Variants in CNTNAP2 observed in about 807,000 individuals in gnomAD.
The protein encoded by CNTNAP2 is contactin-associated protein-like 2.
Under a neutral mutation model 155.2 loss-of-function variants are expected in CNTNAP2, and 98 were observed. The ratio of observed to expected loss-of-function variants is 0.63; its 90% CI spans 0.54 to 0.75. The LOEUF is 0.75. Among genes scored for constraint, CNTNAP2 ranks in the 30% least tolerant of loss-of-function variants. The pLI is 0.00. For synonymous variants in CNTNAP2, 651 were observed against 631.2 expected (o/e 1.03, Z -0.47); for missense variants, 1,727 against 1,688.1 (o/e 1.02, Z -0.40).
intron 11 of CNTNAP2, among the ~76,000 whole-genome samples, chr7:147,488,951 A>C (rs1798557952): frequency 6.6e-6 from 1 of 152,220 alleles, no homozygotes; most frequent in Non-Finnish European, 1.5e-5. Flanking sequence ...TGTGGTACTC[A>C]ATAAATTTTT....
At chr7:146,649,032 T>C (rs1436039672) in intron 1 of CNTNAP2, among the ~76,000 whole-genome samples, 7 of 152,082 alleles carry the variant, frequency 4.6e-5, no homozygotes. Context: ...GTCACTAGGA[T>C]AAACCAAAAA....
chr7:147,848,704 T>C (rs916813788), intron 13 of CNTNAP2, among the ~76,000 whole-genome samples: 1 of 100,814 alleles, frequency 9.9e-6, no homozygotes, highest in South Asian at 3.7e-4. Context: ...CTTCAAACTT[T>C]AGTTAATGGT....
At chr7:146,331,642 C>T (rs1037252822) in intron 1 of CNTNAP2, among the ~76,000 whole-genome samples, 3 of 152,078 alleles carry the variant, frequency 2.0e-5, no homozygotes, top group Non-Finnish European at 4.4e-5. Context: ...AGCCAGTGTT[C>T]CAAGGAAACT....
At chr7:146,607,322 T>A (rs1799064903) in intron 1 of CNTNAP2, among the ~76,000 whole-genome samples, 1 of 152,146 alleles carries the variant, frequency 6.6e-6, no homozygotes, top group Non-Finnish European at 1.5e-5. Flanking sequence ...TGTCCAATGA[T>A]CACACTTCTG....
chr7:146,405,523 T>C (rs1002330582), intron 1 of CNTNAP2, among the ~76,000 whole-genome samples: 2 of 152,234 alleles, frequency 1.3e-5, no homozygotes, highest in African/African-American at 2.4e-5. Flanking sequence ...ATAAGGGCCA[T>C]TGAATTTAAA....
intron 1 of CNTNAP2, among the ~76,000 whole-genome samples, chr7:146,693,732 TTTTTA>T (rs1195912303): frequency 6.6e-6 from 1 of 152,122 alleles, no homozygotes; most frequent in Non-Finnish European, 1.5e-5. Context: ...TAATTATTGA[TTTTTA>T]TTTTAAGTTC....
chr7:146,398,117 C>T (rs953724410), intron 1 of CNTNAP2, among the ~76,000 whole-genome samples: 6 of 151,010 alleles, frequency 4.0e-5, no homozygotes, highest in Non-Finnish European at 8.8e-5. Context: ...AGTGATCCGC[C>T]TGCCTTAGCC....
rs1470610980 is a variant in CNTNAP2 at position 148,417,476 on chromosome 7, C to G, written c.*1860C>G. On this transcript the variant is annotated 3_prime_UTR_variant, in exon 24 of 24. Coordinates refer to ENST00000361727, the MANE Select transcript of CNTNAP2 (RefSeq NM_014141.6). ...GGTTGAGCTCAGGCACTGTCATGGA[C>G]ACCCTTAATTTTAAAAGGTTTTAAT... is the stretch of plus-strand genomic sequence containing the variant. The G allele has an allele frequency of 1.3e-5, 2 of 152,612 alleles. No individual in the cohort carries two copies. Among genetic ancestry groups the G allele is most frequent in the African/African-American group, 4.8e-5 (2 of 41,450 alleles). 9.5% of individuals were successfully genotyped at this position (152,612 alleles called of 1,614,324 possible).
intron 17 of CNTNAP2, among the ~76,000 whole-genome samples, chr7:148,153,251 A>AAAC (rs764533108): frequency 6.6e-6 from 1 of 151,596 alleles, no homozygotes; most frequent in African/African-American, 2.4e-5. Context: ...AAAAAAAAAA[A>AAAC]AACAGAGAAG....
chr7:147,213,976 T>TCA (rs1380573877), intron 8 of CNTNAP2, among the ~76,000 whole-genome samples: 1 of 152,106 alleles, frequency 6.6e-6, no homozygotes, highest in Non-Finnish European at 1.5e-5. Context: ...GATGATTGAA[T>TCA]GGTGCCCAGA....
At chr7:146,187,062 G>A (rs1219646761) in intron 1 of CNTNAP2, among the ~76,000 whole-genome samples, 1 of 152,096 alleles carries the variant, frequency 6.6e-6, no homozygotes, top group Admixed American at 6.6e-5. Context: ...AAAAGTCTTA[G>A]TTTAGTCTCA....
intron 3 of CNTNAP2, among the ~76,000 whole-genome samples, chr7:146,970,954 A>C (rs1262321065): frequency 2.0e-5 from 3 of 152,140 alleles, no homozygotes; most frequent in Non-Finnish European, 4.4e-5. Context: ...GGTAAACTAT[A>C]GCAATAACAA....
intron 20 of CNTNAP2, among the ~76,000 whole-genome samples, chr7:148,252,808 A>T (rs752179665): frequency 1.3e-5 from 2 of 151,964 alleles, no homozygotes; most frequent in Admixed American, 6.6e-5. Flanking sequence ...ACTCATCTCC[A>T]GGTCTCCCCC....
At chr7:146,162,015 G>T (rs1798231312) in intron 1 of CNTNAP2, among the ~76,000 whole-genome samples, 2 of 152,130 alleles carry the variant, frequency 1.3e-5, no homozygotes, top group Non-Finnish European at 2.9e-5. Flanking sequence ...ATTAATTCAA[G>T]ATGGATTAAA....
At chr7:147,436,613 A>G (rs1235188235) in intron 10 of CNTNAP2, among the ~76,000 whole-genome samples, 1 of 152,204 alleles carries the variant, frequency 6.6e-6, no homozygotes, top group African/African-American at 2.4e-5. Context: ...GTAACAGAAG[A>G]GAGAGGCTGT....
At chr7:147,120,518 C>G (rs1174641376) in intron 5 of CNTNAP2, among the ~76,000 whole-genome samples, 1 of 151,480 alleles carries the variant, frequency 6.6e-6, no homozygotes, top group African/African-American at 2.4e-5. Context: ...ACTCATTTTC[C>G]CCCTTTTTAA....
chr7:147,359,540 A>C (rs745540613), intron 9 of CNTNAP2, among the ~76,000 whole-genome samples: 1 of 146,296 alleles, frequency 6.8e-6, no homozygotes, highest in African/African-American at 2.8e-5. Context: ...TCCTTGAATC[A>C]GCCTTTAAAG....
At chr7:146,799,585 G>A (rs1802837569) in intron 2 of CNTNAP2, among the ~76,000 whole-genome samples, 1 of 152,122 alleles carries the variant, frequency 6.6e-6, no homozygotes, top group Non-Finnish European at 1.5e-5. Flanking sequence ...CGCTAAGATT[G>A]GTCATTTTCA....
intron 14 of CNTNAP2, among the ~76,000 whole-genome samples, chr7:147,950,231 A>C (rs905874849): frequency 1.3e-5 from 2 of 151,998 alleles, no homozygotes; most frequent in Non-Finnish European, 2.9e-5. Flanking sequence ...TTCAACTGTG[A>C]CTGTGCCATT....
Sources: allele counts gnomAD v4.1 joint callset (sites outside exome capture counted in the v4.1 genomes callset), GRCh38; gene constraint gnomAD v4.1.1; transcripts MANE v1.5; gene names NCBI Gene and HGNC (gene_info 2026-07-23, HGNC 2026-07-21).